The following FYN variants were observed in gnomAD, a reference collection of about 807,000 sequenced individuals.
FYN encodes the protein FYN proto-oncogene, Src family tyrosine kinase, also known as tyrosine-protein kinase Fyn.
Under a neutral mutation model 70.2 loss-of-function variants are expected in FYN, and 10 were observed. The ratio of observed to expected loss-of-function variants is 0.14; its 90% CI spans 0.09 to 0.24. The LOEUF (loss-of-function observed/expected upper bound fraction) is 0.24, where lower values mean the gene tolerates loss of function less well. Among genes scored for constraint, FYN ranks in the 10% least tolerant of loss-of-function variants. The probability of loss-of-function intolerance (pLI) is 1.00; values close to 1 mark genes in which losing one functional copy is unlikely to be tolerated. For missense variants in FYN, 319 were observed against 673.1 expected (o/e 0.47, Z 5.82); for synonymous variants, 236 against 248.6 (o/e 0.95, Z 0.48).
chr6:111,766,176 C>T (rs573560251), intron 3 of FYN, among the ~76,000 whole-genome samples: 2 of 152,208 alleles, frequency 1.3e-5, no homozygotes, highest in Non-Finnish European at 2.9e-5. Context: ...CAAAACAATA[C>T]CATTTTGGAC....
intron 6 of FYN, among the ~76,000 whole-genome samples, chr6:111,704,305 T>TA (rs1448295098): frequency 1.3e-5 from 2 of 151,982 alleles, no homozygotes; most frequent in East Asian, 1.9e-4. Flanking sequence ...TTTCACTCTT[T>TA]AAAAAAAATC....
At chr6:111,787,328 T>G (rs1034503381) in intron 2 of FYN, among the ~76,000 whole-genome samples, 2 of 152,202 alleles carry the variant, frequency 1.3e-5, no homozygotes, top group African/African-American at 4.8e-5. Context: ...AGGGAATCCT[T>G]TCCCCATTTC....
At chr6:111,816,578 C>T (rs1324043567) in intron 2 of FYN, among the ~76,000 whole-genome samples, 1 of 152,156 alleles carries the variant, frequency 6.6e-6, no homozygotes, top group Non-Finnish European at 1.5e-5. Flanking sequence ...ACTCCCATTC[C>T]AAGCACACTA....
At chr6:111,852,022 C>T (rs193216112) in intron 1 of FYN, among the ~76,000 whole-genome samples, 5 of 152,112 alleles carry the variant, frequency 3.3e-5, no homozygotes. Flanking sequence ...TATGTATGAT[C>T]CAGCCCATAG....
At chr6:111,869,553 G>T (rs1023292833) in intron 1 of FYN, among the ~76,000 whole-genome samples, 1 of 152,190 alleles carries the variant, frequency 6.6e-6, no homozygotes, top group Non-Finnish European at 1.5e-5. Context: ...ACCATGCCTG[G>T]ATAGTTTTTA....
At chr6:111,696,231 C>T in intron 10 of FYN, 46 bp downstream of exon 10, 1 of 1,471,672 alleles carries the variant, frequency 6.8e-7, no homozygotes, top group Non-Finnish European at 9.1e-7. Flanking sequence ...CCCTAAACAA[C>T]CCCTTAAGGC....
chr6:111,708,558 C>T (rs544127531), intron 5 of FYN, among the ~76,000 whole-genome samples: 8 of 152,266 alleles, frequency 5.3e-5, no homozygotes, highest in African/African-American at 1.2e-4. Flanking sequence ...GCTCTAAACA[C>T]GTGCCTGGCT....
At chr6:111,683,779 G>C (rs539456328) in intron 12 of FYN, among the ~76,000 whole-genome samples, 4 of 152,104 alleles carry the variant, frequency 2.6e-5, no homozygotes, top group Admixed American at 1.3e-4. Context: ...GTTTACAGGA[G>C]GGGGAGGTGA....
At chr6:111,773,180 T>G (rs1308942554) in intron 3 of FYN, among the ~76,000 whole-genome samples, 2 of 150,490 alleles carry the variant, frequency 1.3e-5, no homozygotes, top group Non-Finnish European at 3.0e-5. Context: ...GGACATAAAG[T>G]GTTTGTTTTA....
At chr6:111,843,446 C>T (rs1266640489) in intron 2 of FYN, among the ~76,000 whole-genome samples, 1 of 152,178 alleles carries the variant, frequency 6.6e-6, no homozygotes, top group Non-Finnish European at 1.5e-5. Flanking sequence ...ATATCTGGAA[C>T]TGTAACCCTC....
At chr6:111,853,511 G>A (rs1773743258) in intron 1 of FYN, among the ~76,000 whole-genome samples, 1 of 152,134 alleles carries the variant, frequency 6.6e-6, no homozygotes, top group South Asian at 2.1e-4. Flanking sequence ...TCAGGCAAGA[G>A]CACAAACGGC....
intron 3 of FYN, among the ~76,000 whole-genome samples, chr6:111,780,122 G>T (rs1377106976): frequency 6.6e-6 from 1 of 152,152 alleles, no homozygotes; most frequent in Non-Finnish European, 1.5e-5. Context: ...CTGGCTCCCA[G>T]GCAAGCTGGA....
At chr6:111,868,453 C>T (rs756871944) in intron 1 of FYN, among the ~76,000 whole-genome samples, 25 of 152,132 alleles carry the variant, frequency 1.6e-4, no homozygotes, top group Non-Finnish European at 3.4e-4. Context: ...ATCGACATGC[C>T]TTGCTTTACC....
At chr6:111,684,744 C>T (rs796804191) in intron 12 of FYN, among the ~76,000 whole-genome samples, 4 of 152,122 alleles carry the variant, frequency 2.6e-5, no homozygotes, top group Admixed American at 2.0e-4. Flanking sequence ...TAGAGGATAA[C>T]ATTAATGGGC....
chr6:111,728,666 T>C (rs1291655694), intron 3 of FYN, among the ~76,000 whole-genome samples: 3 of 152,354 alleles, frequency 2.0e-5, no homozygotes, highest in Admixed American at 2.0e-4. Context: ...TCATGTAACA[T>C]GTATTAGTAC....
chr6:111,810,341 A>G (rs1772284306), intron 2 of FYN, among the ~76,000 whole-genome samples: 1 of 152,206 alleles, frequency 6.6e-6, no homozygotes. Context: ...CACTGAGAGT[A>G]TCCCAGGGCC....
At chr6:111,740,547 C>T (rs899005610) in intron 3 of FYN, among the ~76,000 whole-genome samples, 8 of 152,194 alleles carry the variant, frequency 5.3e-5, no homozygotes, top group South Asian at 2.1e-4. Flanking sequence ...CAGTCAGAGT[C>T]ATCTTTTTTT....
chr6:111,696,712 A>T, intron 9 of FYN: 2 of 344,474 alleles, frequency 5.8e-6, no homozygotes, highest in Non-Finnish European at 1.1e-5. Context: ...TTGATATATT[A>T]CCACTCTCTC....
intron 2 of FYN, among the ~76,000 whole-genome samples, chr6:111,836,527 G>A (rs890027032): frequency 3.9e-5 from 6 of 152,210 alleles, no homozygotes; most frequent in Admixed American, 2.6e-4. Flanking sequence ...ATCTTTCGAA[G>A]GTCAAGGTGG....
Sources: gnomAD v4.1 joint callset for allele counts (sites outside exome capture counted in the v4.1 genomes callset) on GRCh38, gnomAD v4.1.1 for gene constraint, MANE v1.5 for transcripts, NCBI Gene and HGNC (gene_info 2026-07-23, HGNC 2026-07-21) for gene names.